Variants in DDX59 observed in about 807,000 individuals in gnomAD.
DDX59 encodes the protein probable ATP-dependent RNA helicase DDX59.
In DDX59, 30 loss-of-function variants were observed where a neutral mutation model predicts 51.9. The ratio of observed to expected loss-of-function variants is 0.58; its 90% CI spans 0.43 to 0.78. The LOEUF is 0.78. Ranked by LOEUF, DDX59 falls within the 30% of genes least tolerant of loss-of-function variation. The pLI is 0.00. For synonymous variants in DDX59, 255 were observed against 253.3 expected, an observed-to-expected ratio of 1.01 and a Z score of -0.06; for missense variants, 672 against 730.8, an observed-to-expected ratio of 0.92 and a Z score of 0.93.
At chr1:200,653,789 G>C (rs1158459474) in intron 4 of DDX59, among the ~76,000 whole-genome samples, 5 of 152,114 alleles carry the variant, frequency 3.3e-5, no homozygotes, top group East Asian at 1.9e-4. Context: ...CTTCCCTCCA[G>C]ATGGATCTCC....
chr1:200,668,363 TAA>T (rs1159788906), intron 1 of DDX59, among the ~76,000 whole-genome samples: 6 of 151,954 alleles, frequency 3.9e-5, no homozygotes, highest in African/African-American at 1.5e-4. Flanking sequence ...ACACAATTCT[TAA>T]GTGTTACAAC....
At chr1:200,647,311 A>C (rs1027979030) in intron 7 of DDX59, among the ~76,000 whole-genome samples, 3 of 152,216 alleles carry the variant, frequency 2.0e-5, no homozygotes, top group Non-Finnish European at 4.4e-5. Context: ...AAGAAAAGAA[A>C]GAAAACTTTC....
At chr1:200,665,662 T>C (rs893920360) in intron 2 of DDX59, among the ~76,000 whole-genome samples, 7 of 152,138 alleles carry the variant, frequency 4.6e-5, no homozygotes, top group South Asian at 4.1e-4. Flanking sequence ...ATTCTGTTAA[T>C]AGAAAAACTG....
chr1:200,663,788 A>T, intron 3 of DDX59, 131 bp downstream of exon 3: 1 of 969,626 alleles, frequency 1.0e-6, no homozygotes, highest in Non-Finnish European at 1.4e-6. Context: ...AAAAAACCTA[A>T]GGCTTACTTG....
At chr1:200,653,949 TTG>T (rs1477237965) in intron 4 of DDX59, among the ~76,000 whole-genome samples, 1 of 152,188 alleles carries the variant, frequency 6.6e-6, no homozygotes, top group Non-Finnish European at 1.5e-5. Context: ...ACGAGACAGT[TTG>T]TGTGTCTCAT....
intron 4 of DDX59, among the ~76,000 whole-genome samples, chr1:200,652,779 C>T (rs1661751813): frequency 6.6e-6 from 1 of 151,648 alleles, no homozygotes; most frequent in African/African-American, 2.4e-5. Context: ...AGTGATCCTC[C>T]TGCCTCAGCC....
intron 3 of DDX59, among the ~76,000 whole-genome samples, chr1:200,659,992 C>T (rs1466395140): frequency 1.3e-5 from 2 of 152,126 alleles, no homozygotes; most frequent in East Asian, 1.9e-4. Flanking sequence ...CTTATTTTTA[C>T]CTTTTTTTAA....
At chr1:200,650,119 C>G (rs1661562653) in intron 5 of DDX59, among the ~76,000 whole-genome samples, 1 of 152,156 alleles carries the variant, frequency 6.6e-6, no homozygotes, top group African/African-American at 2.4e-5. Flanking sequence ...GCTGGGATTA[C>G]AGGCTTGAGC....
At position 200,666,501 on chromosome 1, in the gene DDX59, A is replaced by T; in HGVS notation, c.240T>A (p.Gly80=). ...AEVHSVSPEQ[G]AKDSHPSEEP... is the part of the protein sequence containing the mutation. ...CTTCAGAAGGATGGCTGTCCTTCGCACCCTGCTCGGGACTTACTGAATGAA... is the reference window on the plus strand; with the variant it reads ...CTTCAGAAGGATGGCTGTCCTTCGCTCCCTGCTCGGGACTTACTGAATGAA... The change falls in exon 2 of 8, where the codon GGT becomes GGA. Residue 80 remains glycine, a synonymous_variant. Transcript: ENST00000331314. 1 of 1,614,106 alleles carries T rather than the reference A, an allele frequency of 6.2e-7. No individual in the cohort carries two copies. Among genetic ancestry groups the T allele is most frequent in the Non-Finnish European group, 8.5e-7 (1 of 1,180,022 alleles).
downstream of DDX59, chr1:200,641,030 G>T: frequency 2.3e-6 from 1 of 440,942 alleles, no homozygotes; most frequent in South Asian, 2.0e-5. Flanking sequence ...AGCCTCTGAG[G>T]TCATTGTAAG....
chr1:200,654,254 A>G (rs375038057), intron 4 of DDX59, among the ~76,000 whole-genome samples: 1 of 152,178 alleles, frequency 6.6e-6, no homozygotes, highest in Admixed American at 6.5e-5. Context: ...TCTACTAAAA[A>G]TACAAAAAAT....
chr1:200,651,748 C>T (rs748403501), intron 4 of DDX59, among the ~76,000 whole-genome samples: 1 of 152,168 alleles, frequency 6.6e-6, no homozygotes, highest in Non-Finnish European at 1.5e-5. Context: ...GTGGCTCACA[C>T]CTGTAATCCC....
chr1:200,653,644 G>T (rs1249518173), intron 4 of DDX59, among the ~76,000 whole-genome samples: 2 of 152,142 alleles, frequency 1.3e-5, no homozygotes, highest in Non-Finnish European at 2.9e-5. Flanking sequence ...AGTCTTACAA[G>T]TTCTCATCTT....
chr1:200,658,761 A>T (rs915688205), intron 4 of DDX59, among the ~76,000 whole-genome samples: 1 of 152,216 alleles, frequency 6.6e-6, no homozygotes. Context: ...AAATGCTTAA[A>T]AAAAAACAAC....
intron 7 of DDX59, among the ~76,000 whole-genome samples, chr1:200,648,228 A>G (rs543436803): frequency 2.4e-4 from 37 of 151,986 alleles, no homozygotes; most frequent in African/African-American, 8.7e-4. Context: ...GGTTTTTGCC[A>G]TGTTGGCCAG....
rs754018506 is a variant in DDX59 at position 200,666,344 on chromosome 1, C to T, written c.397G>A (p.Ala133Thr). The T allele has an allele frequency of 6.2e-7, 1 of 1,614,186 alleles. No homozygotes were observed. The highest frequency in any genetic ancestry group is 1.7e-5 in the Admixed American group (1 of 60,012). Residue 133 changes from alanine to threonine, a missense_variant, in exon 2 of 8, where the codon GCG (alanine) becomes ACG (threonine). Coordinates refer to ENST00000331314, the MANE Select transcript of DDX59 (RefSeq NM_001031725.6). ...DEDVCSLECKAKHLLQVKEKE... is the reference protein window; with the variant it reads ...DEDVCSLECKTKHLLQVKEKE... ...TCCTTAACTTGTAGAAGATGTTTCG[C>T]TTTACACTCCAAACTACACACATCT...
At chr1:200,648,041 A>AG (rs1661402493) in intron 7 of DDX59, among the ~76,000 whole-genome samples, 3 of 24,560 alleles carry the variant, frequency 1.2e-4, no homozygotes, top group African/African-American at 2.9e-4. Flanking sequence ...GGGGGGGGGG[A>AG]GGGGGGAATG....
At chr1:200,654,253 A>G (rs370856863) in intron 4 of DDX59, among the ~76,000 whole-genome samples, 2 of 152,136 alleles carry the variant, frequency 1.3e-5, no homozygotes, top group Non-Finnish European at 2.9e-5. Flanking sequence ...CTCTACTAAA[A>G]ATACAAAAAA....
rs115653016 is a variant in DDX59, at chr1:200,661,566, A to T, written c.972+2353T>A. On this transcript the variant is annotated intron_variant, in intron 3 of 7. Coordinates refer to ENST00000331314, the MANE Select transcript of DDX59 (RefSeq NM_001031725.6). Reference sequence around the variant, plus strand: ...TAATCAAATGAGGGATGTTCTTCAAAGTAAGTGGCTTGTAAACCTTAAAAG... The same window carrying T: ...TAATCAAATGAGGGATGTTCTTCAATGTAAGTGGCTTGTAAACCTTAAAAG... Among the ~76,000 whole-genome samples the T allele has an allele frequency of 5.5e-3, 831 of 152,320 alleles. 5 individuals carry two copies. The highest frequency in any genetic ancestry group is 0.019 in the African/African-American group (783 of 41,574).
Sources: allele counts gnomAD v4.1 joint callset (sites outside exome capture counted in the v4.1 genomes callset), GRCh38; gene constraint gnomAD v4.1.1; transcripts MANE v1.5; gene names NCBI Gene and HGNC (gene_info 2026-07-23, HGNC 2026-07-21).